The following WASHC3 variants were observed in gnomAD, a reference collection of about 807,000 sequenced individuals.
WASHC3 encodes WASH complex subunit 3.
In WASHC3, 24 loss-of-function variants were observed where a neutral mutation model predicts 26.1. The ratio of observed to expected loss-of-function variants is 0.92; its 90% CI spans 0.66 to 1.29. The LOEUF (loss-of-function observed/expected upper bound fraction) is 1.29, where lower values mean the gene tolerates loss of function less well. Ranked by LOEUF, WASHC3 falls within the 50% of genes most tolerant of loss-of-function variation. The pLI, the probability that WASHC3 is intolerant of heterozygous loss-of-function variation, is 0.00. For missense variants in WASHC3, 214 were observed against 229.6 expected (o/e 0.93, Z 0.44); for synonymous variants, 77 against 75.7 (o/e 1.02, Z -0.09).
chr12:102,055,189 T>C (rs1250196283), intron 2 of WASHC3, among the ~76,000 whole-genome samples: 1 of 152,146 alleles, frequency 6.6e-6, no homozygotes, highest in Non-Finnish European at 1.5e-5. Context: ...ATTCAAATAA[T>C]ATCAGAAACG....
intron 5 of WASHC3, among the ~76,000 whole-genome samples, chr12:102,028,769 GAAT>G (rs1877306800): frequency 6.7e-6 from 1 of 149,684 alleles, no homozygotes; most frequent in Non-Finnish European, 1.5e-5. Context: ...AGAATTATAA[GAAT>G]AATAAGAATT....
intron 6 of WASHC3, among the ~76,000 whole-genome samples, chr12:102,018,526 G>A (rs1349053244): frequency 1.3e-5 from 2 of 152,206 alleles, no homozygotes; most frequent in Admixed American, 6.5e-5. Flanking sequence ...AGGCTGGAGT[G>A]CAGTGGCACG....
At chr12:102,029,021 C>T (rs1437162942) in intron 5 of WASHC3, among the ~76,000 whole-genome samples, 1 of 152,064 alleles carries the variant, frequency 6.6e-6, no homozygotes, top group Non-Finnish European at 1.5e-5. Context: ...GATTCTGAGA[C>T]TTACTATCAC....
intron 6 of WASHC3, among the ~76,000 whole-genome samples, chr12:102,020,986 G>A (rs1222396316): frequency 1.3e-5 from 2 of 152,204 alleles, no homozygotes; most frequent in African/African-American, 4.8e-5. Flanking sequence ...GGAGGCTGAG[G>A]CAGGAGAATC....
At chr12:102,048,315 C>T (rs541638751) in intron 2 of WASHC3, 3 of 152,134 alleles carry the variant, frequency 2.0e-5, no homozygotes, top group South Asian at 2.1e-4. Context: ...ATGGCTCATG[C>T]CTGTAATCCC....
At chr12:102,015,290 C>CA (rs138543592) in intron 6 of WASHC3, among the ~76,000 whole-genome samples, 6,005 of 143,146 alleles carry the variant, frequency 0.042, 408 homozygotes, top group East Asian at 0.31. Context: ...AACCCTGTCT[C>CA]AAAAAAAAAA....
chr12:102,047,233 A>G (rs895123790), intron 2 of WASHC3, among the ~76,000 whole-genome samples: 3 of 152,158 alleles, frequency 2.0e-5, no homozygotes, highest in African/African-American at 7.2e-5. Context: ...GCTGGCAGAT[A>G]CACAGCATCC....
chr12:102,036,994 A>C (rs920448701), intron 5 of WASHC3, among the ~76,000 whole-genome samples: 1 of 152,224 alleles, frequency 6.6e-6, no homozygotes, highest in Non-Finnish European at 1.5e-5. Flanking sequence ...AAATGATATT[A>C]AGATATAGTT....
At chr12:102,034,611 G>A (rs1877573535) in intron 5 of WASHC3, among the ~76,000 whole-genome samples, 1 of 152,126 alleles carries the variant, frequency 6.6e-6, no homozygotes, top group Non-Finnish European at 1.5e-5. Flanking sequence ...CCACAGGTAT[G>A]TTCAAGAAGC....
At chr12:102,046,452 G>A (rs1042263479) in intron 2 of WASHC3, among the ~76,000 whole-genome samples, 2 of 152,038 alleles carry the variant, frequency 1.3e-5, no homozygotes, top group Admixed American at 6.6e-5. Flanking sequence ...GTGCCACCAC[G>A]CCCAGCTAAT....
chr12:102,047,441 T>C (rs1878210938), intron 2 of WASHC3, among the ~76,000 whole-genome samples: 1 of 152,212 alleles, frequency 6.6e-6, no homozygotes, highest in African/African-American at 2.4e-5. Flanking sequence ...AAATAAAGTA[T>C]TAGGATCTAG....
At chr12:102,025,712 T>G (rs1877154255) in intron 6 of WASHC3, among the ~76,000 whole-genome samples, 1 of 148,460 alleles carries the variant, frequency 6.7e-6, no homozygotes. Context: ...CAAAAAAAAT[T>G]GTCATTAAAT....
intron 5 of WASHC3, among the ~76,000 whole-genome samples, chr12:102,037,600 C>A (rs1565816184): frequency 6.6e-6 from 1 of 151,912 alleles, no homozygotes; most frequent in Non-Finnish European, 1.5e-5. Flanking sequence ...ATTCAAGGGA[C>A]ATAAAGGAGG....
intron 5 of WASHC3, among the ~76,000 whole-genome samples, chr12:102,029,767 A>G (rs944987448): frequency 1.3e-5 from 2 of 152,172 alleles, no homozygotes; most frequent in African/African-American, 4.8e-5. Flanking sequence ...AAGATGAAAA[A>G]CATGAAGTTT....
intron 3 of WASHC3, among the ~76,000 whole-genome samples, chr12:102,044,749 A>G (rs1878086187): frequency 6.6e-6 from 1 of 152,134 alleles, no homozygotes; most frequent in Admixed American, 6.6e-5. Flanking sequence ...AACATTCACC[A>G]CTGAATGTTA....
chr12:102,018,186 C>A (rs1876792209), intron 6 of WASHC3, among the ~76,000 whole-genome samples: 1 of 152,020 alleles, frequency 6.6e-6, no homozygotes, highest in Non-Finnish European at 1.5e-5. Context: ...ATGTATATAC[C>A]ATAATTGTTC....
intron 6 of WASHC3, among the ~76,000 whole-genome samples, chr12:102,014,522 AGTTAC>A (rs1876616702): frequency 6.6e-6 from 1 of 152,228 alleles, no homozygotes; most frequent in Non-Finnish European, 1.5e-5. Flanking sequence ...ACAGTCTAAC[AGTTAC>A]TTTAGGTATT....
At chr12:102,051,996 T>A (rs1265361974) in intron 2 of WASHC3, among the ~76,000 whole-genome samples, 1 of 152,166 alleles carries the variant, frequency 6.6e-6, no homozygotes, top group Non-Finnish European at 1.5e-5. Flanking sequence ...TAGATTATCA[T>A]ACATAAAGGA....
Position 102,044,115 on chromosome 12 carries a change from T to A in WASHC3, c.314A>T (p.Glu105Val), listed in dbSNP as rs756751291. 6.3e-7 allele frequency: 1 copy of A among 1,590,936 alleles called. No individual in the cohort carries two copies. The highest frequency in any genetic ancestry group is 8.6e-7 in the Non-Finnish European group (1 of 1,163,012). The change falls in exon 4 of 7, where the codon GAG becomes GTG. Residue 105 changes from glutamate to valine, a missense_variant. Transcript: ENST00000240079. ...TTAGAACTCACTTACCTGTGGTTGC[T>A]CTGAAGTGGCTTCAGGATGTGCTCC... ...TNGAHPEATS[E>V]QPQQNSTQDS...
Sources: allele counts gnomAD v4.1 joint callset (sites outside exome capture counted in the v4.1 genomes callset), GRCh38; gene constraint gnomAD v4.1.1; transcripts MANE v1.5; gene names NCBI Gene and HGNC (gene_info 2026-07-23, HGNC 2026-07-21).